CNTN4: variants seen among roughly 807,000 people sequenced by gnomAD.
CNTN4 encodes the protein contactin 4, also known as contactin-4.
In CNTN4, 77 loss-of-function variants were observed where a neutral mutation model predicts 122.5. That is an observed-to-expected ratio of 0.63 (90% CI 0.52 to 0.76). The LOEUF (loss-of-function observed/expected upper bound fraction) is 0.76, where lower values mean the gene tolerates loss of function less well. CNTN4 is among the 30% of genes least tolerant of loss of function. The pLI is 0.00. For missense variants in CNTN4, 1,256 were observed against 1,259.1 expected (o/e 1.00, Z 0.04); for synonymous variants, 512 against 447.0 (o/e 1.15, Z -1.83).
At chr3:2,695,421 G>A (rs2085974078) in intron 4 of CNTN4, among the ~76,000 whole-genome samples, 1 of 152,148 alleles carries the variant, frequency 6.6e-6, no homozygotes, top group South Asian at 2.1e-4. Context: ...CTACCCCCAA[G>A]CCTCACCTTT....
At chr3:2,785,006 G>A (rs1447073011) in intron 6 of CNTN4, among the ~76,000 whole-genome samples, 1 of 151,824 alleles carries the variant, frequency 6.6e-6, no homozygotes, top group Admixed American at 6.6e-5. Context: ...GGCCTTCTTG[G>A]CCCTGGACAC....
At chr3:2,265,565 A>G (rs966423267) in intron 2 of CNTN4, among the ~76,000 whole-genome samples, 2 of 152,040 alleles carry the variant, frequency 1.3e-5, no homozygotes, top group Non-Finnish European at 1.5e-5. Flanking sequence ...TTGCGATTCT[A>G]TAGAAATTTT....
At chr3:2,679,642 G>T (rs2085062394) in intron 4 of CNTN4, among the ~76,000 whole-genome samples, 1 of 152,256 alleles carries the variant, frequency 6.6e-6, no homozygotes, top group Admixed American at 6.5e-5. Flanking sequence ...CAGGTCATCT[G>T]GTTGGATGAG....
chr3:2,546,010 A>G (rs2078230239), intron 3 of CNTN4, among the ~76,000 whole-genome samples: 1 of 152,106 alleles, frequency 6.6e-6, no homozygotes, highest in East Asian at 1.9e-4. Flanking sequence ...AAAAAGTCAA[A>G]AAATAACAGA....
At chr3:2,729,128 C>T (rs9821964) in intron 4 of CNTN4, among the ~76,000 whole-genome samples, 29,554 of 152,110 alleles carry the variant, frequency 0.19, 3,049 homozygotes, top group South Asian at 0.26. Flanking sequence ...GATGGAAATA[C>T]TTCCAGCAAA....
At position 2,198,888 on chromosome 3, in the gene CNTN4, A is replaced by G. The variant is rs145045687; in HGVS notation, c.-145+98249A>G. Among the ~76,000 whole-genome samples, 399 of 152,324 alleles carry G rather than the reference A, an allele frequency of 2.6e-3. 1 individual carries two copies. The highest frequency in any genetic ancestry group is 4.4e-3 in the Non-Finnish European group (298 of 68,032). On this transcript the variant is annotated intron_variant, in intron 2 of 24. Coordinates refer to ENST00000418658, the MANE Select transcript of CNTN4 (RefSeq NM_175607.3). ...CTCATCCCATTCAGGGGCTATTCCA[A>G]TATACCAGCCGAGGGCCACATTGGT...
intron 4 of CNTN4, among the ~76,000 whole-genome samples, chr3:2,580,232 G>A (rs2079875450): frequency 6.6e-6 from 1 of 152,118 alleles, no homozygotes; most frequent in Non-Finnish European, 1.5e-5. Context: ...CAGTGGTGTT[G>A]GTGACAGCCA....
chr3:2,777,135 C>G (rs894170390), intron 6 of CNTN4, among the ~76,000 whole-genome samples: 1 of 152,174 alleles, frequency 6.6e-6, no homozygotes, highest in Non-Finnish European at 1.5e-5. Flanking sequence ...CGCCCACCAC[C>G]ACGCCCAGCT....
chr3:2,170,299 G>A (rs546169501), intron 2 of CNTN4, among the ~76,000 whole-genome samples: 21 of 151,852 alleles, frequency 1.4e-4, no homozygotes, highest in African/African-American at 1.9e-4. Flanking sequence ...CAGCCTGGGC[G>A]ACACACCAAG....
chr3:2,275,593 A>G (rs763150551), intron 2 of CNTN4, among the ~76,000 whole-genome samples: 2 of 152,122 alleles, frequency 1.3e-5, no homozygotes, highest in Admixed American at 1.3e-4. Flanking sequence ...TTTCACAATT[A>G]CATGTTCTTT....
intron 3 of CNTN4, among the ~76,000 whole-genome samples, chr3:2,495,423 G>T (rs1408952539): frequency 1.3e-5 from 2 of 152,150 alleles, no homozygotes; most frequent in Admixed American, 1.3e-4. Flanking sequence ...ATCCTTGTTG[G>T]ATGAATAAAT....
chr3:2,930,639 C>T (rs972238687), intron 13 of CNTN4, among the ~76,000 whole-genome samples: 17 of 152,134 alleles, frequency 1.1e-4, no homozygotes, highest in Middle Eastern at 3.4e-3. Flanking sequence ...GGTATAGGTA[C>T]GCCACTGAAT....
At chr3:2,626,496 C>CAAAAAAAAAAAAAAAAAAAAA (rs35668647) in intron 4 of CNTN4, among the ~76,000 whole-genome samples, 1 of 143,966 alleles carries the variant, frequency 6.9e-6, no homozygotes, top group Admixed American at 7.3e-5. Flanking sequence ...GACTCTATCT[C>CAAAAAAAAAAAAAAAAAAAAA]AAAAAAAAAA....
Position 3,053,993 on chromosome 3 carries a change from T to C in CNTN4, c.2980+18T>C. On this transcript the variant is annotated intron_variant, in intron 24 of 24. Transcript: ENST00000418658. ...GATATCAAGTGAGAATGCCTTTTTT[T>C]CTCCCTTTTCTCCTGCCTGTCTTAT... 1 of 1,612,924 alleles carries C rather than the reference T, an allele frequency of 6.2e-7. No individual in the cohort carries two copies. The highest frequency in any genetic ancestry group is 1.1e-5 in the South Asian group (1 of 91,040).
At chr3:2,425,548 A>G (rs1352368335) in intron 3 of CNTN4, among the ~76,000 whole-genome samples, 1 of 152,220 alleles carries the variant, frequency 6.6e-6, no homozygotes, top group East Asian at 1.9e-4. Flanking sequence ...TGTCTTGGCA[A>G]TGTGGGCTCT....
At chr3:2,733,551 T>G (rs549022202) in intron 4 of CNTN4, among the ~76,000 whole-genome samples, 433 of 149,648 alleles carry the variant, frequency 2.9e-3, no homozygotes, top group African/African-American at 9.7e-3. Context: ...TTTTTTTTTT[T>G]GAGACAGAGT....
chr3:2,589,880 A>G (rs1256983794), intron 4 of CNTN4, among the ~76,000 whole-genome samples: 1 of 152,198 alleles, frequency 6.6e-6, no homozygotes, highest in African/African-American at 2.4e-5. Flanking sequence ...CAGATGATCC[A>G]GAGAGAAAGC....
intron 14 of CNTN4, among the ~76,000 whole-genome samples, chr3:3,024,719 T>A (rs765525443): frequency 2.0e-5 from 3 of 152,182 alleles, no homozygotes; most frequent in Non-Finnish European, 4.4e-5. Context: ...TTTCTGTAGT[T>A]GGATAAAAGG....
chr3:2,384,941 C>T (rs1356977802), intron 3 of CNTN4, among the ~76,000 whole-genome samples: 1 of 152,032 alleles, frequency 6.6e-6, no homozygotes, highest in South Asian at 2.1e-4. Context: ...CATATAGCCC[C>T]TTCTACAGTG....
Sources: allele counts gnomAD v4.1 joint callset (sites outside exome capture counted in the v4.1 genomes callset), GRCh38; gene constraint gnomAD v4.1.1; transcripts MANE v1.5; gene names NCBI Gene and HGNC (gene_info 2026-07-23, HGNC 2026-07-21).